ASIC2: variants seen among roughly 807,000 people sequenced by gnomAD.
ASIC2 encodes acid sensing ion channel subunit 2.
Under a neutral mutation model 57.3 loss-of-function variants are expected in ASIC2, and 25 were observed. The observed-to-expected ratio is 0.44, with a 90% CI of 0.32 to 0.61. The LOEUF is 0.61. Among genes scored for constraint, ASIC2 ranks in the 20% least tolerant of loss-of-function variants. ASIC2 has a pLI of 0.06. For missense variants in ASIC2, 641 were observed against 738.1 expected (o/e 0.87, Z 1.52); for synonymous variants, 319 against 307.5 (o/e 1.04, Z -0.39).
At chr17:33,177,879 C>T (rs926383602) in intron 1 of ASIC2, among the ~76,000 whole-genome samples, 10 of 152,136 alleles carry the variant, frequency 6.6e-5, no homozygotes, top group African/African-American at 1.9e-4. Context: ...CTGGTCTAGT[C>T]GTCTGGAGAC....
intron 1 of ASIC2, among the ~76,000 whole-genome samples, chr17:34,025,755 C>T (rs1907353979): frequency 6.6e-6 from 1 of 151,502 alleles, no homozygotes; most frequent in Non-Finnish European, 1.5e-5. Flanking sequence ...CTCTCTAAGC[C>T]TCAGTTTCCT....
At chr17:33,676,460 A>G (rs1907821482) in intron 1 of ASIC2, among the ~76,000 whole-genome samples, 2 of 152,256 alleles carry the variant, frequency 1.3e-5, no homozygotes, top group South Asian at 4.1e-4. Context: ...TTGTGAACAC[A>G]GGAATAAGAA....
intron 3 of ASIC2, among the ~76,000 whole-genome samples, chr17:33,031,572 T>A (rs2091883799): frequency 6.6e-6 from 1 of 152,318 alleles, no homozygotes; most frequent in East Asian, 1.9e-4. Flanking sequence ...ATATGCATTC[T>A]GTAACTGTTG....
intron 1 of ASIC2, among the ~76,000 whole-genome samples, chr17:33,551,819 C>T (rs763055716): frequency 6.6e-6 from 1 of 152,164 alleles, no homozygotes; most frequent in African/African-American, 2.4e-5. Flanking sequence ...TCTGCAGGTG[C>T]GATGCCACTC....
At chr17:33,816,404 TATATC>T (rs1250104034) in intron 1 of ASIC2, among the ~76,000 whole-genome samples, 55 of 152,328 alleles carry the variant, frequency 3.6e-4, no homozygotes, top group African/African-American at 1.2e-3. Flanking sequence ...CATGAGCTGA[TATATC>T]ATATATGTTA....
intron 1 of ASIC2, among the ~76,000 whole-genome samples, chr17:33,633,303 C>G (rs1423647933): frequency 6.6e-6 from 1 of 152,194 alleles, no homozygotes; most frequent in Non-Finnish European, 1.5e-5. Context: ...CAACAAGGAC[C>G]AGGACACCTG....
chr17:33,834,816 T>G (rs1826789273), intron 1 of ASIC2, among the ~76,000 whole-genome samples: 1 of 152,084 alleles, frequency 6.6e-6, no homozygotes, highest in African/African-American at 2.4e-5. Context: ...TTCCCAGAGG[T>G]GTAAGAAGTT....
intron 6 of ASIC2, among the ~76,000 whole-genome samples, chr17:33,023,439 G>A (rs1285351608): frequency 1.3e-5 from 2 of 150,968 alleles, no homozygotes; most frequent in African/African-American, 2.4e-5. Flanking sequence ...GCAGTGAGCC[G>A]AGATCATGCC....
chr17:33,536,274 C>T (rs971073528), intron 1 of ASIC2, among the ~76,000 whole-genome samples: 1 of 152,166 alleles, frequency 6.6e-6, no homozygotes, highest in African/African-American at 2.4e-5. Flanking sequence ...CTTTCCTTTG[C>T]CCCCACATCC....
intron 1 of ASIC2, among the ~76,000 whole-genome samples, chr17:33,157,079 G>C (rs1165076106): frequency 6.6e-6 from 1 of 152,030 alleles, no homozygotes; most frequent in Non-Finnish European, 1.5e-5. Context: ...GGGACTCAGG[G>C]ACTGCAACTA....
intron 1 of ASIC2, among the ~76,000 whole-genome samples, chr17:33,439,455 G>A (rs1183363421): frequency 6.6e-6 from 1 of 152,114 alleles, no homozygotes; most frequent in Non-Finnish European, 1.5e-5. Flanking sequence ...GGACTTAAGA[G>A]CATGTTAAGA....
intron 1 of ASIC2, chr17:33,689,064 G>A (rs1908284065): frequency 6.6e-6 from 1 of 152,224 alleles, no homozygotes; most frequent in Non-Finnish European, 1.5e-5. Context: ...TTTTGATGAA[G>A]AGAGTGATCT....
At chr17:33,541,061 T>G (rs951184596) in intron 1 of ASIC2, among the ~76,000 whole-genome samples, 1 of 147,508 alleles carries the variant, frequency 6.8e-6, no homozygotes, top group Non-Finnish European at 1.5e-5. Flanking sequence ...GGGCATGTTG[T>G]TTTTTTTTCT....
chr17:33,574,162 G>T lies in ASIC2; in HGVS notation c.556-462095C>A, dbSNP rs16968613. ...ACTGCTCTTCAAAGTGTTTGTATCT[G>T]CATTAGCATAAGAGTTACCATTGCT... On this transcript the variant is annotated intron_variant, in intron 1 of 9. Transcript: ENST00000359872. Among the ~76,000 whole-genome samples, 654 of 152,308 alleles carry T rather than the reference G, an allele frequency of 4.3e-3. 6 individuals are homozygous for T. The highest frequency in any genetic ancestry group is 0.015 in the African/African-American group (629 of 41,558).
At chr17:34,126,683 T>C (rs1459819210) in intron 1 of ASIC2, among the ~76,000 whole-genome samples, 1 of 152,170 alleles carries the variant, frequency 6.6e-6, no homozygotes, top group Non-Finnish European at 1.5e-5. Context: ...TGAGGTTCTC[T>C]GACTCTGAAC....
At chr17:33,331,263 T>C (rs966002051) in intron 1 of ASIC2, among the ~76,000 whole-genome samples, 1 of 152,144 alleles carries the variant, frequency 6.6e-6, no homozygotes, top group African/African-American at 2.4e-5. Flanking sequence ...ACAAAACTGG[T>C]CCCTGGTGCC....
intron 1 of ASIC2, chr17:34,037,989 C>T: frequency 1.9e-6 from 3 of 1,613,660 alleles, no homozygotes; most frequent in East Asian, 2.2e-5. Flanking sequence ...TCTTTCCCAA[C>T]CACAAAACAC....
intron 1 of ASIC2, among the ~76,000 whole-genome samples, chr17:33,392,233 T>C (rs916078807): frequency 6.7e-6 from 1 of 149,506 alleles, no homozygotes; most frequent in Non-Finnish European, 1.5e-5. Context: ...CTTCCTTCCT[T>C]CCTTCCTTTT....
chr17:33,676,799 C>T (rs1907836256), intron 1 of ASIC2, among the ~76,000 whole-genome samples: 2 of 152,210 alleles, frequency 1.3e-5, no homozygotes, highest in African/African-American at 4.8e-5. Flanking sequence ...AGCTTGAATA[C>T]ATGTCTCCAC....
Sources: allele counts gnomAD v4.1 joint callset (sites outside exome capture counted in the v4.1 genomes callset), GRCh38; gene constraint gnomAD v4.1.1; transcripts MANE v1.5; gene names NCBI Gene and HGNC (gene_info 2026-07-23, HGNC 2026-07-21).